The following SLC25A51 variants were observed in gnomAD, a reference collection of about 807,000 sequenced individuals.
The protein encoded by SLC25A51 is mitochondrial nicotinamide adenine dinucleotide transporter SLC25A51.
Under a neutral mutation model 19.1 loss-of-function variants are expected in SLC25A51, and 11 were observed. The ratio of observed to expected loss-of-function variants is 0.58; its 90% CI spans 0.36 to 0.96. SLC25A51 has a LOEUF of 0.96. Among genes scored for constraint, SLC25A51 ranks in the 40% least tolerant of loss-of-function variants. SLC25A51 has a pLI of 0.01. For synonymous variants in SLC25A51, 105 were observed against 133.6 expected (o/e 0.79, Z 1.47); for missense variants, 201 against 365.4 (o/e 0.55, Z 3.67).
intron 1 of SLC25A51, among the ~76,000 whole-genome samples, chr9:37,900,164 T>C (rs1370164851): frequency 6.6e-6 from 1 of 151,170 alleles, no homozygotes; most frequent in African/African-American, 2.4e-5. Context: ...GACAGGATCT[T>C]GGCCAGGTGT....
chr9:37,890,864 A>G (rs547884116), intron 2 of SLC25A51, among the ~76,000 whole-genome samples: 2 of 152,376 alleles, frequency 1.3e-5, no homozygotes, highest in Admixed American at 1.3e-4. Flanking sequence ...TCAATGGGAA[A>G]TAATAAAAAC....
downstream of SLC25A51, chr9:37,887,495 C>T (rs1831486585): frequency 3.8e-6 from 3 of 783,130 alleles, no homozygotes; most frequent in Non-Finnish European, 5.9e-6. Context: ...AGGAGAAATC[C>T]CCTGGACTTT....
chr9:37,891,084 A>AT (rs769246575), intron 2 of SLC25A51, among the ~76,000 whole-genome samples: 2 of 152,250 alleles, frequency 1.3e-5, no homozygotes, highest in Non-Finnish European at 1.5e-5. Context: ...TAAGGGGCGT[A>AT]TATCTGCCAG....
rs1831922698 is a variant in SLC25A51 at position 37,904,115 on chromosome 9, G to T, written c.-212C>A. On this transcript the variant is annotated 5_prime_UTR_variant, in exon 1 of 3. Transcript: ENST00000242275. ...GGACGGCTAGCGAGCCGGGGCCCGC[G>T]CAGGCGCAGACTGTGACCGACCCCG... The T allele has an allele frequency of 6.6e-6, 1 of 152,336 alleles. No individual in the cohort carries two copies. Among genetic ancestry groups the T allele is most frequent in the Non-Finnish European group, 1.5e-5 (1 of 68,142 alleles). 9.4% of individuals were successfully genotyped at this position (152,336 alleles called of 1,614,324 possible). A position where few individuals can be genotyped will look rare whatever the true frequency, so the allele number is the denominator to read the frequency against.
At chr9:37,883,932 C>T (rs150712825), downstream of SLC25A51, among the ~76,000 whole-genome samples, 38 of 152,302 alleles carry the variant, frequency 2.5e-4, no homozygotes, top group African/African-American at 7.7e-4. Context: ...TCCTTTACAG[C>T]TGGAAGAAGG....
chr9:37,891,525 G>C (rs1213410329), intron 2 of SLC25A51, among the ~76,000 whole-genome samples: 1 of 152,214 alleles, frequency 6.6e-6, no homozygotes, highest in Non-Finnish European at 1.5e-5. Flanking sequence ...AAATTCTTCT[G>C]CCTTGGGATG....
intron 2 of SLC25A51, among the ~76,000 whole-genome samples, chr9:37,890,690 TG>T (rs553445719): frequency 1.9e-3 from 274 of 147,290 alleles, no homozygotes; most frequent in Non-Finnish European, 2.6e-3. Flanking sequence ...AGTAATACCC[TG>T]CTTTAAAAAA....
At chr9:37,878,662 G>GGTT (rs1369139240), downstream of SLC25A51, 2 of 155,680 alleles carry the variant, frequency 1.3e-5, no homozygotes, top group Non-Finnish European at 2.8e-5. Flanking sequence ...ACTGTACACC[G>GGTT]GTTGATATGA....
intron 2 of SLC25A51, among the ~76,000 whole-genome samples, chr9:37,895,961 G>T (rs567410292): frequency 6.6e-6 from 1 of 151,888 alleles, no homozygotes; most frequent in Non-Finnish European, 1.5e-5. Context: ...TGATAGGTGT[G>T]TGCTGCCATG....
chr9:37,887,655 T>C lies in SLC25A51; in HGVS notation c.*2A>G. On this transcript the variant is annotated 3_prime_UTR_variant, in exon 3 of 3. Coordinates refer to ENST00000242275, the MANE Select transcript of SLC25A51 (RefSeq NM_033412.4). ...ATAAATGGCACTTAACTGATGGTTT[T>C]TTCATATAACCTTTAACAAGAACTC... 6.2e-7 allele frequency: 1 copy of C among 1,603,818 alleles called. No individual in the cohort carries two copies. Among genetic ancestry groups the C allele is most frequent in the Non-Finnish European group, 8.5e-7 (1 of 1,175,518 alleles).
chr9:37,885,941 G>A (rs1296777304), downstream of SLC25A51: 15 of 1,612,514 alleles, frequency 9.3e-6, no homozygotes, highest in Middle Eastern at 1.7e-4. Context: ...AACCATTGAT[G>A]AGGAACTAGA....
chr9:37,887,088 G>A (rs1395421008), downstream of SLC25A51, among the ~76,000 whole-genome samples: 2 of 152,054 alleles, frequency 1.3e-5, no homozygotes, highest in East Asian at 1.9e-4. Flanking sequence ...AGGCCGAGGC[G>A]GGTGGATCAC....
intron 2 of SLC25A51, among the ~76,000 whole-genome samples, chr9:37,893,977 C>T (rs1444919105): frequency 1.3e-5 from 2 of 152,094 alleles, no homozygotes; most frequent in African/African-American, 2.4e-5. Flanking sequence ...TCAACCTACT[C>T]GTCATTTTAA....
chr9:37,879,022 A>C (rs903391201), downstream of SLC25A51: 1 of 272,220 alleles, frequency 3.7e-6, no homozygotes. Flanking sequence ...GAAATCAGAA[A>C]GTCAGTGCAG....
chr9:37,900,608 A>G (rs1273607151), intron 1 of SLC25A51, among the ~76,000 whole-genome samples: 3 of 151,788 alleles, frequency 2.0e-5, no homozygotes, highest in Non-Finnish European at 4.4e-5. Flanking sequence ...TTTAAAAAAC[A>G]TTTTTTTAGC....
chr9:37,901,014 C>T (rs918356349), intron 1 of SLC25A51, among the ~76,000 whole-genome samples: 1 of 151,970 alleles, frequency 6.6e-6, no homozygotes, highest in Non-Finnish European at 1.5e-5. Context: ...CACAGGCCCG[C>T]ACCACCAAGC....
chr9:37,879,207 G>A, downstream of SLC25A51: 1 of 271,280 alleles, frequency 3.7e-6, no homozygotes, highest in South Asian at 4.5e-5. Flanking sequence ...CTGTATTTGT[G>A]GCAGTGGCAG....
intron 2 of SLC25A51, among the ~76,000 whole-genome samples, chr9:37,891,272 G>A (rs531307844): frequency 7.2e-5 from 11 of 152,268 alleles, no homozygotes; most frequent in East Asian, 5.8e-4. Flanking sequence ...CGCCCCGTCC[G>A]GGAGGTGGGA....
intron 1 of SLC25A51, among the ~76,000 whole-genome samples, chr9:37,902,327 A>G (rs1179426009): frequency 6.6e-6 from 1 of 152,248 alleles, no homozygotes; most frequent in Non-Finnish European, 1.5e-5. Context: ...AGCTAACAGA[A>G]GTTAACCATT....
Sources: gnomAD v4.1 joint callset for allele counts (sites outside exome capture counted in the v4.1 genomes callset) on GRCh38, gnomAD v4.1.1 for gene constraint, MANE v1.5 for transcripts, NCBI Gene and HGNC (gene_info 2026-07-23, HGNC 2026-07-21) for gene names.